Variants in MVB12B observed in about 807,000 individuals in gnomAD.
MVB12B encodes the protein multivesicular body subunit 12B.
A neutral mutation model predicts 41.6 loss-of-function variants in MVB12B; 16 were observed. The observed-to-expected ratio is 0.38, with a 90% CI of 0.26 to 0.58. The LOEUF (loss-of-function observed/expected upper bound fraction) is 0.58. Among genes scored for constraint, MVB12B ranks in the 20% least tolerant of loss-of-function variants. MVB12B has a pLI of 0.62. For missense variants in MVB12B, 274 were observed against 380.2 expected, an observed-to-expected ratio of 0.72 and a Z score of 2.32; for synonymous variants, 133 against 139.7, an observed-to-expected ratio of 0.95 and a Z score of 0.34.
chr9:126,373,866 A>T (rs573155425), intron 2 of MVB12B, among the ~76,000 whole-genome samples: 1 of 152,238 alleles, frequency 6.6e-6, no homozygotes, highest in African/African-American at 2.4e-5. Context: ...CAGGGGAAAA[A>T]AAAGAACATT....
At chr9:126,454,882 G>A (rs1007865205) in intron 7 of MVB12B, among the ~76,000 whole-genome samples, 1 of 151,830 alleles carries the variant, frequency 6.6e-6, no homozygotes, top group African/African-American at 2.4e-5. Flanking sequence ...AGAGATGCAC[G>A]TGCCGCTCTC....
chr9:126,374,191 T>C (rs147111958), intron 2 of MVB12B, among the ~76,000 whole-genome samples: 1 of 152,336 alleles, frequency 6.6e-6, no homozygotes, highest in African/African-American at 2.4e-5. Context: ...CATCCCATCT[T>C]ACCAGGCTCC....
At position 126,401,814 on chromosome 9, in the gene MVB12B, G is replaced by A. The variant is rs534609738; in HGVS notation, c.662+6117G>A. ...AACTCCATTACTTTCTGATTAACTC[G>A]CAGAGTAAGTCAGCAGTTGGGGCGG... On this transcript the variant is annotated intron_variant, in intron 6 of 9. Transcript: ENST00000361171. 5.9e-5 allele frequency among the ~76,000 whole-genome samples: 9 copies of A among 152,268 alleles called. No homozygotes were observed. The South Asian group carries it at 8.3e-4, about 14-fold the overall frequency.
intron 7 of MVB12B, among the ~76,000 whole-genome samples, chr9:126,432,818 C>T (rs989867962): frequency 2.6e-5 from 4 of 152,120 alleles, no homozygotes; most frequent in East Asian, 1.9e-4. Flanking sequence ...TGCGTGTGAC[C>T]GTTTCCCTCC....
rs533721402 is a variant in MVB12B, at chr9:126,363,026, A to G, written c.205-18038A>G. Among the ~76,000 whole-genome samples, 33 of 152,182 alleles carry G rather than the reference A, an allele frequency of 2.2e-4. No individual in the cohort carries two copies. The South Asian group carries it at 6.6e-3, about 31-fold the overall frequency. ...ACATGGTGAAACCCCGTCTCTACTA[A>G]AAATACAAACATTAGCTGGGTGTAG... On this transcript the variant is annotated intron_variant, in intron 2 of 9. Transcript: ENST00000361171.
chr9:126,456,363 G>C (rs1019056397), intron 7 of MVB12B, among the ~76,000 whole-genome samples: 2 of 152,138 alleles, frequency 1.3e-5, no homozygotes, highest in Non-Finnish European at 2.9e-5. Flanking sequence ...AGGTGAACTT[G>C]TTAGAACTAA....
chr9:126,433,177 G>A (rs1832375182), intron 7 of MVB12B, among the ~76,000 whole-genome samples: 2 of 152,076 alleles, frequency 1.3e-5, no homozygotes, highest in African/African-American at 2.4e-5. Flanking sequence ...GTGACTTATG[G>A]TGAAGCTTAG....
intron 7 of MVB12B, among the ~76,000 whole-genome samples, chr9:126,455,251 G>T (rs1269446973): frequency 6.6e-6 from 1 of 151,940 alleles, no homozygotes; most frequent in African/African-American, 2.4e-5. Context: ...GCAGTGGCGT[G>T]ATCTCAGCTC....
At chr9:126,422,331 C>A (rs1832048980) in intron 7 of MVB12B, among the ~76,000 whole-genome samples, 1 of 152,182 alleles carries the variant, frequency 6.6e-6, no homozygotes, top group Non-Finnish European at 1.5e-5. Flanking sequence ...TCTGTCCTCA[C>A]CTCTCATTTC....
chr9:126,329,873 T>C (rs1829078453), intron 1 of MVB12B, among the ~76,000 whole-genome samples: 1 of 152,000 alleles, frequency 6.6e-6, no homozygotes, highest in Non-Finnish European at 1.5e-5. Flanking sequence ...CCCAGGCTGC[T>C]CTGGCTCTCA....
chr9:126,441,195 T>C (rs921292107), intron 7 of MVB12B, among the ~76,000 whole-genome samples: 2 of 152,236 alleles, frequency 1.3e-5, no homozygotes, highest in Non-Finnish European at 2.9e-5. Context: ...CTCTCACTCA[T>C]TCCCATTGTG....
intron 2 of MVB12B, among the ~76,000 whole-genome samples, chr9:126,374,471 G>A (rs148179647): frequency 1.3e-5 from 2 of 152,344 alleles, no homozygotes; most frequent in East Asian, 3.9e-4. Flanking sequence ...CTGCTGCACA[G>A]TGGCCCAGAA....
intron 9 of MVB12B, among the ~76,000 whole-genome samples, chr9:126,493,121 T>C (rs1159470102): frequency 6.6e-6 from 1 of 152,142 alleles, no homozygotes; most frequent in Non-Finnish European, 1.5e-5. Context: ...CGTGGGCAAT[T>C]TTCTCTGTTT....
At chr9:126,355,599 A>C in intron 2 of MVB12B, among the ~76,000 whole-genome samples, 1 of 152,242 alleles carries the variant, frequency 6.6e-6, no homozygotes, top group South Asian at 2.1e-4. Flanking sequence ...TGCTGACCAC[A>C]GGAAGAAATC....
At chr9:126,448,691 A>G (rs1375602143) in intron 7 of MVB12B, among the ~76,000 whole-genome samples, 3 of 152,052 alleles carry the variant, frequency 2.0e-5, no homozygotes, top group African/African-American at 7.2e-5. Context: ...AGAGAAAGAG[A>G]AGGGGGAGGT....
chr9:126,382,982 G>A (rs2118968884), intron 3 of MVB12B, among the ~76,000 whole-genome samples: 1 of 152,344 alleles, frequency 6.6e-6, no homozygotes, highest in East Asian at 1.9e-4. Flanking sequence ...AAAAGCCTCT[G>A]CCTCACTTTT....
intron 7 of MVB12B, among the ~76,000 whole-genome samples, chr9:126,435,171 A>G (rs1405434574): frequency 6.6e-6 from 1 of 152,164 alleles, no homozygotes; most frequent in Non-Finnish European, 1.5e-5. Flanking sequence ...CCTAGTACCA[A>G]GAGGGCACTC....
At chr9:126,455,422 G>A (rs879734828) in intron 7 of MVB12B, among the ~76,000 whole-genome samples, 1 of 151,884 alleles carries the variant, frequency 6.6e-6, no homozygotes, top group Non-Finnish European at 1.5e-5. Context: ...GATTTACCTC[G>A]TGATCCACCC....
chr9:126,337,882 G>C (rs921706523), intron 1 of MVB12B, among the ~76,000 whole-genome samples: 7 of 152,256 alleles, frequency 4.6e-5, no homozygotes, highest in African/African-American at 1.7e-4. Flanking sequence ...CATCCTTCCT[G>C]GCTTGAGGCT....
Sources: gnomAD v4.1 joint callset for allele counts (sites outside exome capture counted in the v4.1 genomes callset) on GRCh38, gnomAD v4.1.1 for gene constraint, MANE v1.5 for transcripts, NCBI Gene and HGNC (gene_info 2026-07-23, HGNC 2026-07-21) for gene names.